Variants in EHBP1 observed in about 807,000 individuals in gnomAD.
The protein encoded by EHBP1 is EH domain-binding protein 1.
Under a neutral mutation model 144.0 loss-of-function variants are expected in EHBP1, and 55 were observed. That is an observed-to-expected ratio of 0.38 (90% CI 0.31 to 0.48). The LOEUF (loss-of-function observed/expected upper bound fraction) is 0.48. Ranked by LOEUF, EHBP1 falls within the 20% of genes least tolerant of loss-of-function variation. The pLI is 0.98. For synonymous variants in EHBP1, 469 were observed against 472.7 expected, an observed-to-expected ratio of 0.99 and a Z score of 0.10; for missense variants, 1,200 against 1,364.2, an observed-to-expected ratio of 0.88 and a Z score of 1.90.
chr2:62,931,490 A>C (rs2055987439), intron 10 of EHBP1, among the ~76,000 whole-genome samples: 1 of 152,226 alleles, frequency 6.6e-6, no homozygotes, highest in Non-Finnish European at 1.5e-5. Context: ...TCCTCAAAAA[A>C]ATTAAAAATA....
chr2:62,898,309 C>T (rs916977034), intron 10 of EHBP1, among the ~76,000 whole-genome samples: 1 of 152,146 alleles, frequency 6.6e-6, no homozygotes, highest in East Asian at 1.9e-4. Flanking sequence ...AATTGTCAGG[C>T]ACAGTTATTG....
chr2:62,691,418 C>A (rs2033900958), intron 1 of EHBP1, among the ~76,000 whole-genome samples: 1 of 152,182 alleles, frequency 6.6e-6, no homozygotes, highest in Admixed American at 6.5e-5. Flanking sequence ...TTGGAGGAGA[C>A]TTTCTAGAAG....
intron 4 of EHBP1, 76 bp from the exon 5 acceptor site, chr2:62,771,263 A>G: frequency 1.9e-6 from 2 of 1,030,254 alleles, no homozygotes; most frequent in Non-Finnish European, 1.4e-6. Flanking sequence ...ACAAGGCTAT[A>G]TGTATTTTCT....
chr2:62,928,418 A>G (rs767224737), intron 10 of EHBP1, among the ~76,000 whole-genome samples: 1 of 152,132 alleles, frequency 6.6e-6, no homozygotes, highest in Non-Finnish European at 1.5e-5. Context: ...TGGCCTCTAG[A>G]AAAGACTGGC....
chr2:62,828,973 C>G (rs1417576893), intron 6 of EHBP1, among the ~76,000 whole-genome samples: 1 of 151,708 alleles, frequency 6.6e-6, no homozygotes, highest in Non-Finnish European at 1.5e-5. Context: ...TAAAAATTAG[C>G]TGGGCATTGT....
intron 10 of EHBP1, among the ~76,000 whole-genome samples, chr2:62,936,566 C>G (rs1196890397): frequency 6.6e-6 from 1 of 152,108 alleles, no homozygotes; most frequent in Non-Finnish European, 1.5e-5. Flanking sequence ...TACCTCTCAA[C>G]TCACTCTTCT....
upstream of EHBP1, among the ~76,000 whole-genome samples, chr2:62,704,635 T>C (rs550872049): frequency 5.3e-4 from 81 of 152,318 alleles, no homozygotes; most frequent in African/African-American, 1.9e-3. Flanking sequence ...TGATTATTCC[T>C]TCTCGGTCTC....
intron 2 of EHBP1, among the ~76,000 whole-genome samples, chr2:62,732,192 G>A (rs2037669410): frequency 6.6e-6 from 1 of 152,124 alleles, no homozygotes; most frequent in African/African-American, 2.4e-5. Context: ...GTGTGACTAT[G>A]ATATGCCTAC....
At chr2:62,829,912 A>G (rs558587377) in intron 6 of EHBP1, among the ~76,000 whole-genome samples, 1 of 151,018 alleles carries the variant, frequency 6.6e-6, no homozygotes, top group South Asian at 2.1e-4. Context: ...TGGTACAACC[A>G]CTATGAAAAA....
At chr2:62,929,939 A>T (rs1221257529) in intron 10 of EHBP1, among the ~76,000 whole-genome samples, 2 of 152,196 alleles carry the variant, frequency 1.3e-5, no homozygotes, top group Non-Finnish European at 2.9e-5. Flanking sequence ...GGAAATTAAG[A>T]AAGTACTTTC....
chr2:62,935,712 C>G (rs996744313), intron 10 of EHBP1, among the ~76,000 whole-genome samples: 2 of 151,978 alleles, frequency 1.3e-5, no homozygotes, highest in Non-Finnish European at 2.9e-5. Context: ...AATGTACCAG[C>G]TGGGACATTG....
chr2:62,720,255 G>C (rs1206533490), intron 2 of EHBP1, among the ~76,000 whole-genome samples: 1 of 152,078 alleles, frequency 6.6e-6, no homozygotes, highest in Non-Finnish European at 1.5e-5. Context: ...AGAAAGTTTG[G>C]GAACCTCTAG....
intron 7 of EHBP1, among the ~76,000 whole-genome samples, chr2:62,839,538 G>C (rs1457264975): frequency 1.3e-5 from 2 of 149,778 alleles, no homozygotes; most frequent in Non-Finnish European, 3.0e-5. Flanking sequence ...ATTAGGAAAA[G>C]AGGAAGTCAA....
intron 1 of EHBP1, among the ~76,000 whole-genome samples, chr2:62,692,005 T>C (rs967343388): frequency 2.0e-5 from 3 of 152,166 alleles, no homozygotes; most frequent in African/African-American, 7.2e-5. Context: ...ACTATGTAAT[T>C]TTAGGTCATT....
At chr2:62,714,883 C>T (rs1262950879) in intron 2 of EHBP1, among the ~76,000 whole-genome samples, 3 of 152,160 alleles carry the variant, frequency 2.0e-5, no homozygotes, top group Non-Finnish European at 4.4e-5. Context: ...TAAGTTTTGA[C>T]AATACTTTGA....
At chr2:62,744,571 T>C (rs555942975) in intron 2 of EHBP1, among the ~76,000 whole-genome samples, 3 of 152,260 alleles carry the variant, frequency 2.0e-5, no homozygotes, top group South Asian at 4.1e-4. Flanking sequence ...CTAGTGAAGA[T>C]ATTTAAAATG....
At chr2:62,921,548 G>GAA (rs142197422) in intron 10 of EHBP1, among the ~76,000 whole-genome samples, 2 of 147,544 alleles carry the variant, frequency 1.4e-5, no homozygotes, top group African/African-American at 2.5e-5. Context: ...TTTCACTCTG[G>GAA]AAAAAAAAAA....
intron 5 of EHBP1, among the ~76,000 whole-genome samples, chr2:62,823,286 A>G (rs2046115612): frequency 6.6e-6 from 1 of 152,156 alleles, no homozygotes; most frequent in African/African-American, 2.4e-5. Flanking sequence ...ACATAGGCCC[A>G]GAGACAGTTA....
chr2:63,041,862 C>G (rs1021987049), intron 21 of EHBP1, among the ~76,000 whole-genome samples: 8 of 152,166 alleles, frequency 5.3e-5, no homozygotes, highest in African/African-American at 1.9e-4. Flanking sequence ...TGAAGGTTTA[C>G]TACAAGAACT....
Sources: allele counts gnomAD v4.1 joint callset (sites outside exome capture counted in the v4.1 genomes callset), GRCh38; gene constraint gnomAD v4.1.1; transcripts MANE v1.5; gene names NCBI Gene and HGNC (gene_info 2026-07-23, HGNC 2026-07-21).